SPIRE1: variants seen among roughly 807,000 people sequenced by gnomAD.
The protein encoded by SPIRE1 is spire type actin nucleation factor 1, also known as protein spire homolog 1.
In SPIRE1, 40 loss-of-function variants were observed where a neutral mutation model predicts 94.1. The observed-to-expected ratio is 0.43, with a 90% CI of 0.33 to 0.55. The LOEUF (loss-of-function observed/expected upper bound fraction) is 0.55, where lower values mean the gene tolerates loss of function less well. Among genes scored for constraint, SPIRE1 ranks in the 20% least tolerant of loss-of-function variants. The pLI is 0.06. For synonymous variants in SPIRE1, 376 were observed against 371.7 expected, an observed-to-expected ratio of 1.01 and a Z score of -0.13; for missense variants, 838 against 975.2, an observed-to-expected ratio of 0.86 and a Z score of 1.87.
At chr18:12,582,244 T>C (rs186169294) in intron 2 of SPIRE1, among the ~76,000 whole-genome samples, 7 of 152,330 alleles carry the variant, frequency 4.6e-5, no homozygotes, top group Admixed American at 4.6e-4. Context: ...CCTTTGGTTA[T>C]TTCCAATTAT....
At chr18:12,461,484 A>G (rs199799168) in intron 12 of SPIRE1, among the ~76,000 whole-genome samples, 53 of 47,414 alleles carry the variant, frequency 1.1e-3, no homozygotes, top group East Asian at 3.2e-3. Flanking sequence ...GTACATACAT[A>G]TGTGTGTATG....
At chr18:12,518,104 G>C (rs1448830918) in intron 4 of SPIRE1, among the ~76,000 whole-genome samples, 3 of 152,120 alleles carry the variant, frequency 2.0e-5, no homozygotes, top group Admixed American at 1.3e-4. Flanking sequence ...TCAACTTCCT[G>C]GGCTCAAGCA....
intron 5 of SPIRE1, among the ~76,000 whole-genome samples, chr18:12,507,626 G>A (rs2033880384): frequency 6.6e-6 from 1 of 151,870 alleles, no homozygotes; most frequent in Non-Finnish European, 1.5e-5. Flanking sequence ...TTGAACCCGG[G>A]AGGTAGAGGT....
intron 2 of SPIRE1, among the ~76,000 whole-genome samples, chr18:12,588,003 C>T (rs2036434100): frequency 6.6e-6 from 1 of 152,180 alleles, no homozygotes; most frequent in Non-Finnish European, 1.5e-5. Context: ...CTACTCCCTC[C>T]CCTCAGCTCT....
At chr18:12,492,875 CAAGT>C (rs2143861428) in intron 8 of SPIRE1, among the ~76,000 whole-genome samples, 193 bp downstream of exon 8, 1 of 152,104 alleles carries the variant, frequency 6.6e-6, no homozygotes, top group East Asian at 1.9e-4. Context: ...CTATAAATTT[CAAGT>C]AAGTGTGAGG....
intron 2 of SPIRE1, among the ~76,000 whole-genome samples, chr18:12,600,766 A>G (rs1169395545): frequency 6.6e-6 from 1 of 151,950 alleles, no homozygotes; most frequent in Non-Finnish European, 1.5e-5. Context: ...TCTGTCACTC[A>G]GGGTGGAGTG....
intron 3 of SPIRE1, among the ~76,000 whole-genome samples, chr18:12,546,051 G>A (rs889777930): frequency 1.3e-5 from 2 of 152,156 alleles, no homozygotes; most frequent in South Asian, 2.1e-4. Flanking sequence ...GTGCAGTGGC[G>A]TGATCTCAGC....
At chr18:12,600,018 T>C (rs1443091925) in intron 2 of SPIRE1, among the ~76,000 whole-genome samples, 2 of 149,470 alleles carry the variant, frequency 1.3e-5, no homozygotes, top group Non-Finnish European at 3.0e-5. Flanking sequence ...AGGGAGCAAG[T>C]GGCCACGTTG....
At chr18:12,473,351 A>C (rs1226977330) in intron 10 of SPIRE1, among the ~76,000 whole-genome samples, 1 of 152,232 alleles carries the variant, frequency 6.6e-6, no homozygotes, top group Non-Finnish European at 1.5e-5. Flanking sequence ...AAAATATAAC[A>C]ATGTTCACAT....
At chr18:12,521,643 G>A (rs1234162780) in intron 4 of SPIRE1, among the ~76,000 whole-genome samples, 2 of 152,072 alleles carry the variant, frequency 1.3e-5, no homozygotes, top group South Asian at 2.1e-4. Flanking sequence ...GCCAGATATC[G>A]TGTTTTTACA....
intron 2 of SPIRE1, among the ~76,000 whole-genome samples, chr18:12,601,468 T>C (rs1158406669): frequency 6.6e-6 from 1 of 152,102 alleles, no homozygotes; most frequent in African/African-American, 2.4e-5. Context: ...TTTATTGAGG[T>C]ATAATTTACT....
intron 1 of SPIRE1, among the ~76,000 whole-genome samples, chr18:12,638,484 T>G (rs1050139272): frequency 6.6e-6 from 1 of 152,122 alleles, no homozygotes; most frequent in Non-Finnish European, 1.5e-5. Flanking sequence ...ATGAGTAATC[T>G]GAGAGCTCAA....
intron 2 of SPIRE1, among the ~76,000 whole-genome samples, chr18:12,554,448 G>A (rs1274099579): frequency 6.6e-6 from 1 of 151,942 alleles, no homozygotes; most frequent in African/African-American, 2.4e-5. Flanking sequence ...AAACCATGAA[G>A]AAATCCAAAA....
intron 9 of SPIRE1, 82 bp downstream of exon 9, chr18:12,485,877 T>G: frequency 9.4e-7 from 1 of 1,060,348 alleles, no homozygotes. Context: ...TTTAACATGT[T>G]TGAACAAGCA....
chr18:12,508,611 C>G (rs2033917638), intron 5 of SPIRE1, among the ~76,000 whole-genome samples: 1 of 151,816 alleles, frequency 6.6e-6, no homozygotes. Context: ...AATTAGGAGA[C>G]AGGAGACAGT....
intron 9 of SPIRE1, among the ~76,000 whole-genome samples, chr18:12,485,174 G>A (rs775949954): frequency 4.0e-4 from 59 of 147,234 alleles, no homozygotes; most frequent in Non-Finnish European, 5.8e-4. Flanking sequence ...GCGCGATCTC[G>A]GCTCACTGCA....
At chr18:12,541,347 G>A (rs2144245158) in intron 3 of SPIRE1, among the ~76,000 whole-genome samples, 1 of 152,190 alleles carries the variant, frequency 6.6e-6, no homozygotes, top group East Asian at 1.9e-4. Flanking sequence ...ATTAAGTCAG[G>A]TTTGTTATTC....
intron 9 of SPIRE1, among the ~76,000 whole-genome samples, chr18:12,481,634 C>G (rs2032846248): frequency 6.6e-6 from 1 of 152,058 alleles, no homozygotes; most frequent in African/African-American, 2.4e-5. Flanking sequence ...TAATTGAGAA[C>G]TTGACAACAC....
intron 10 of SPIRE1, among the ~76,000 whole-genome samples, chr18:12,476,268 GTGGCTCACGCC>G (rs1289278290): frequency 6.6e-6 from 1 of 152,038 alleles, no homozygotes; most frequent in African/African-American, 2.4e-5. Flanking sequence ...GCTGGGCGTG[GTGGCTCACGCC>G]TGTAATCCCA....
Sources: allele counts gnomAD v4.1 joint callset (sites outside exome capture counted in the v4.1 genomes callset), GRCh38; gene constraint gnomAD v4.1.1; transcripts MANE v1.5; gene names NCBI Gene and HGNC (gene_info 2026-07-23, HGNC 2026-07-21).